Variants in KIF25 observed in about 807,000 individuals in gnomAD.
The protein encoded by KIF25 is kinesin-like protein KIF25.
KIF25 carries 19 observed loss-of-function variants against 32.9 expected under a neutral mutation model. The ratio of observed to expected loss-of-function variants is 0.58; its 90% CI spans 0.40 to 0.85. The LOEUF is 0.85. KIF25 is among the 40% of genes least tolerant of loss of function. KIF25 has a pLI of 0.00. For synonymous variants in KIF25, 225 were observed against 213.7 expected (o/e 1.05, Z -0.46); for missense variants, 485 against 507.0 (o/e 0.96, Z 0.42).
intron 8 of KIF25, among the ~76,000 whole-genome samples, chr6:168,038,097 A>G (rs1725836142): frequency 6.6e-6 from 1 of 152,204 alleles, no homozygotes; most frequent in Admixed American, 6.5e-5. Flanking sequence ...TGGAATTGGA[A>G]TAAACTCTGG....
At chr6:168,004,268 A>C (rs957558154) in intron 4 of KIF25, among the ~76,000 whole-genome samples, 6 of 152,226 alleles carry the variant, frequency 3.9e-5, no homozygotes, top group African/African-American at 1.2e-4. Flanking sequence ...GGGAGGCCTC[A>C]GAACAGAACG....
At position 168,040,129 on chromosome 6, in the gene KIF25, C is replaced by T. The variant is rs773880952; in HGVS notation, c.559C>T (p.His187Tyr). ...VHGGLQLRAK[H>Y]PTLVHADSSR... ...TGGAGGTCTGCAGCTCAGGGCGAAG[C>T]ACCCCACCCTGGTGCACGCGGATTC... is the stretch of plus-strand genomic sequence containing the variant. Residue 187 changes from histidine (H) to tyrosine (Y), a missense_variant, in exon 10 of 13, where the codon CAC becomes TAC. Around this residue, in one of 2 missense-constraint regions of KIF25, gnomAD observed 480 missense variants for 470.3 expected, o/e 1.02. Coordinates refer to ENST00000643607, the MANE Select transcript of KIF25 (RefSeq NM_030615.4). 3.1e-6 allele frequency: 5 copies of T among 1,614,002 alleles called. No homozygotes were observed. The highest frequency in any genetic ancestry group is 4.2e-6 in the Non-Finnish European group (5 of 1,180,038).
At chr6:168,023,901 G>C (rs1269880482) in intron 5 of KIF25, among the ~76,000 whole-genome samples, 4 of 152,140 alleles carry the variant, frequency 2.6e-5, no homozygotes, top group African/African-American at 9.7e-5. Flanking sequence ...AATAATATTA[G>C]AATCTGTATA....
chr6:168,017,033 A>G (rs568923570), intron 4 of KIF25, among the ~76,000 whole-genome samples: 1 of 152,332 alleles, frequency 6.6e-6, no homozygotes, highest in South Asian at 2.1e-4. Context: ...CACATCGGAG[A>G]CCTCACAGAA....
chr6:168,015,922 C>A (rs1798706050), intron 4 of KIF25, among the ~76,000 whole-genome samples: 1 of 152,064 alleles, frequency 6.6e-6, no homozygotes, highest in Non-Finnish European at 1.5e-5. Flanking sequence ...CACTGTAGAC[C>A]TTTGTGGTTT....
intron 2 of KIF25, among the ~76,000 whole-genome samples, chr6:168,002,059 G>A (rs1394087589): frequency 2.6e-5 from 3 of 115,628 alleles, no homozygotes; most frequent in Admixed American, 8.0e-5. Flanking sequence ...GCATGGCCTC[G>A]GGCAGGTGAG....
chr6:168,017,652 G>A (rs1798733557), intron 4 of KIF25, among the ~76,000 whole-genome samples: 2 of 152,154 alleles, frequency 1.3e-5, no homozygotes, highest in South Asian at 2.1e-4. Flanking sequence ...TCAGCCTGTG[G>A]CAGATTGAGG....
chr6:168,017,674 G>A (rs1237031663), intron 4 of KIF25, among the ~76,000 whole-genome samples: 1 of 152,174 alleles, frequency 6.6e-6, no homozygotes, highest in Non-Finnish European at 1.5e-5. Context: ...GCTCTGTTGT[G>A]TGTTCCCCAG....
intron 5 of KIF25, among the ~76,000 whole-genome samples, chr6:168,026,026 G>T (rs544305597): frequency 6.6e-5 from 10 of 152,182 alleles, no homozygotes; most frequent in Non-Finnish European, 1.5e-4. Context: ...GCCGTTGGTC[G>T]TCCCAGGAGG....
Position 168,041,205 on chromosome 6 carries a change from C to T in KIF25, c.647-764C>T, listed in dbSNP as rs139906697. On this transcript the variant is annotated intron_variant, in intron 10 of 12. Coordinates refer to ENST00000643607, the MANE Select transcript of KIF25 (RefSeq NM_030615.4). ...GTGTGGCTGAACATTCCCCATCCTTCTTGCCACCGTGGCACTTGAAACATT... is the reference window on the plus strand; with the variant it reads ...GTGTGGCTGAACATTCCCCATCCTTTTTGCCACCGTGGCACTTGAAACATT... Among the ~76,000 whole-genome samples the T allele has an allele frequency of 1.2e-4, 18 of 152,362 alleles. No individual in the cohort carries two copies. The East Asian group carries it at 3.5e-3, about 29-fold the overall frequency.
At chr6:168,013,903 A>G (rs1157716815) in intron 4 of KIF25, among the ~76,000 whole-genome samples, 1 of 152,158 alleles carries the variant, frequency 6.6e-6, no homozygotes, top group African/African-American at 2.4e-5. Context: ...GTCCGAGCTC[A>G]GCTGTGTAGT....
chr6:168,015,614 T>A (rs1798702821), intron 4 of KIF25, among the ~76,000 whole-genome samples: 1 of 152,156 alleles, frequency 6.6e-6, no homozygotes, highest in Non-Finnish European at 1.5e-5. Flanking sequence ...AAGGATGCTG[T>A]CAAGAGCTTG....
intron 4 of KIF25, among the ~76,000 whole-genome samples, chr6:168,005,383 C>T (rs1438748614): frequency 6.6e-6 from 1 of 152,180 alleles, no homozygotes; most frequent in Admixed American, 6.5e-5. Context: ...GCACAGCCTG[C>T]ACGCTGCCCT....
chr6:168,001,916 C>T (rs1322670536), intron 2 of KIF25, among the ~76,000 whole-genome samples: 1 of 94,264 alleles, frequency 1.1e-5, no homozygotes, highest in Non-Finnish European at 2.2e-5. Context: ...ACACCTGAGG[C>T]GTGGCCTCGG....
At position 168,038,653 on chromosome 6, in the gene KIF25, G is replaced by T. The variant is rs199605266; in HGVS notation, c.418G>T (p.Ala140Ser). 4.0e-5 allele frequency: 64 copies of T among 1,614,188 alleles called. No individual in the cohort carries two copies. The African/African-American group carries it at 8.1e-4, about 21-fold the overall frequency. Residue 140 changes from alanine (A) to serine (S), a missense_variant, in exon 9 of 13, where the codon GCA (alanine) becomes TCA (serine). Physicochemically the swap from Ala to Ser is moderately conservative, Grantham distance 99. This residue lies in a region of KIF25 where 480 missense variants were observed against 470.3 expected (regional missense o/e 1.02). Coordinates refer to ENST00000643607, the MANE Select transcript of KIF25 (RefSeq NM_030615.4). ...IFDLLAKDSI[A>S]AVSGVKREVV... ...TGACCTTCTGGCCAAAGACAGCATTGCAGCAGTGTCGGGGGTCAAGCGTGA... is the reference window on the plus strand; with the variant it reads ...TGACCTTCTGGCCAAAGACAGCATTTCAGCAGTGTCGGGGGTCAAGCGTGA...
At chr6:167,999,348 T>C (rs766805036) in intron 2 of KIF25, 28 bp downstream of exon 2, 2 of 152,302 alleles carry the variant, frequency 1.3e-5, no homozygotes, top group Non-Finnish European at 2.9e-5. Context: ...GGTGTGTGTA[T>C]GTCTGTGTGC....
intron 8 of KIF25, chr6:168,035,830 T>A: frequency 2.2e-6 from 1 of 455,298 alleles, no homozygotes; most frequent in Non-Finnish European, 4.4e-6. Flanking sequence ...AAGGCCGTAC[T>A]CTCCCTACAC....
Position 168,030,753 on chromosome 6 carries a change from A to C in KIF25, c.93-20A>C. ...TTTCTGCTGCTTCTATTAATACAGCATTTTCACTTTGTCTCTCAGGGTTTA... is the reference window on the plus strand; with the variant it reads ...TTTCTGCTGCTTCTATTAATACAGCCTTTTCACTTTGTCTCTCAGGGTTTA... On this transcript the variant is annotated intron_variant, in intron 6 of 12. Coordinates refer to ENST00000643607, the MANE Select transcript of KIF25 (RefSeq NM_030615.4). The C allele has an allele frequency of 6.2e-7, 1 of 1,601,620 alleles. No individual in the cohort carries two copies. Among genetic ancestry groups the C allele is most frequent in the Non-Finnish European group, 8.5e-7 (1 of 1,174,970 alleles).
chr6:168,001,423 C>T (rs1015619841), intron 2 of KIF25, among the ~76,000 whole-genome samples: 45 of 152,364 alleles, frequency 3.0e-4, no homozygotes, highest in African/African-American at 1.0e-3. Flanking sequence ...CACTTCCAGA[C>T]GGCTTTTGTT....
Sources: allele counts gnomAD v4.1 joint callset (sites outside exome capture counted in the v4.1 genomes callset), GRCh38; gene constraint gnomAD v4.1.1; regional missense constraint gnomAD v4.1.1; transcripts MANE v1.5; gene names NCBI Gene and HGNC (gene_info 2026-07-23, HGNC 2026-07-21).